CCDC192: variants seen among roughly 807,000 people sequenced by gnomAD.
CCDC192 encodes the protein coiled-coil domain-containing protein 192.
At chr5:127,750,632 G>A (rs1488616069) in intron 2 of CCDC192, among the ~76,000 whole-genome samples, 24 of 144,922 alleles carry the variant, frequency 1.7e-4, no homozygotes, top group Admixed American at 9.7e-4. Context: ...TATTAGGTCC[G>A]CTTGGTGCAG....
At chr5:127,753,146 G>C (rs790839) in intron 2 of CCDC192, among the ~76,000 whole-genome samples, 118,278 of 152,030 alleles carry the variant, frequency 0.78, 46,139 homozygotes, top group East Asian at 0.9. Context: ...GCAGTTCATT[G>C]TTTGTGGGGT....
At chr5:127,792,101 C>G (rs1390101618) in intron 3 of CCDC192, among the ~76,000 whole-genome samples, 1 of 152,146 alleles carries the variant, frequency 6.6e-6, no homozygotes, top group African/African-American at 2.4e-5. Flanking sequence ...TGCTTGAGCT[C>G]AGGAATTTGA....
intron 2 of CCDC192, among the ~76,000 whole-genome samples, chr5:127,717,105 G>A (rs1751667153): frequency 6.6e-6 from 1 of 152,124 alleles, no homozygotes; most frequent in African/African-American, 2.4e-5. Context: ...GTAACTGACA[G>A]CCCTTTAGAG....
intron 5 of CCDC192, among the ~76,000 whole-genome samples, chr5:127,810,614 A>T (rs990087860): frequency 3.3e-5 from 5 of 152,216 alleles, no homozygotes; most frequent in South Asian, 2.1e-4. Flanking sequence ...TTATAAAAAC[A>T]AAAGCGCATC....
intron 6 of CCDC192, among the ~76,000 whole-genome samples, chr5:127,935,874 G>A (rs567796886): frequency 1.2e-3 from 190 of 152,282 alleles, no homozygotes; most frequent in African/African-American, 4.3e-3. Context: ...GGAGGCCGAG[G>A]CAGGTGGATC....
intron 5 of CCDC192, among the ~76,000 whole-genome samples, chr5:127,823,030 C>G (rs1262659223): frequency 6.6e-6 from 1 of 152,210 alleles, no homozygotes; most frequent in Non-Finnish European, 1.5e-5. Context: ...AAAAACACCA[C>G]ATTACTCTCT....
intron 6 of CCDC192, among the ~76,000 whole-genome samples, chr5:127,939,673 C>T (rs546800066): frequency 4.2e-4 from 57 of 136,746 alleles, no homozygotes; most frequent in Non-Finnish European, 6.5e-4. Context: ...TGTTGAGAAA[C>T]GGGTTATTTT....
At chr5:127,719,830 G>GGA (rs34096238) in intron 2 of CCDC192, among the ~76,000 whole-genome samples, 5 of 94,338 alleles carry the variant, frequency 5.3e-5, no homozygotes, top group East Asian at 2.3e-4. Context: ...ATCAGAGGAA[G>GGA]GGGCGGGGGA....
At chr5:127,849,208 G>A (rs945195934) in intron 5 of CCDC192, among the ~76,000 whole-genome samples, 1 of 152,190 alleles carries the variant, frequency 6.6e-6, no homozygotes, top group Non-Finnish European at 1.5e-5. Flanking sequence ...CTCCAGCCTA[G>A]GCGAAAGAGT....
In CCDC192 at chr5:127,757,798, A is replaced by T. The variant is rs147927261; in HGVS notation, c.222+3423A>T. On this transcript the variant is annotated intron_variant, in intron 3 of 6. Coordinates refer to ENST00000514853, the MANE Select transcript of CCDC192 (RefSeq NM_001317938.2). ...CACACACACACACACACACACACAC[A>T]CTCTCTCTCTCTCTCTCTCTCAATC... Among the ~76,000 whole-genome samples the T allele has an allele frequency of 4.2e-3, 494 of 117,346 alleles. 5 individuals are homozygous for T. The highest frequency in any genetic ancestry group is 0.031 in the South Asian group (102 of 3,262). The allele number at this position is 117,346 out of a possible 152,430, so 77.0% of individuals were successfully genotyped here. A position where few individuals can be genotyped will look rare whatever the true frequency, so the allele number is the denominator to read the frequency against.
chr5:127,779,097 T>A (rs549024636), intron 3 of CCDC192, among the ~76,000 whole-genome samples: 2 of 152,184 alleles, frequency 1.3e-5, no homozygotes, highest in South Asian at 2.1e-4. Context: ...TCTGTTTTTT[T>A]ATTCTCTAGC....
chr5:127,781,857 G>C (rs1396704724), intron 3 of CCDC192, among the ~76,000 whole-genome samples: 1 of 152,112 alleles, frequency 6.6e-6, no homozygotes, highest in Non-Finnish European at 1.5e-5. Context: ...GCCCTGGCTA[G>C]GACTTCCAGT....
intron 2 of CCDC192, among the ~76,000 whole-genome samples, chr5:127,737,718 T>G (rs866728052): frequency 0.014 from 2,136 of 151,714 alleles, 48 homozygotes; most frequent in African/African-American, 0.046. Context: ...CTTTGTTGGT[T>G]TAAAGTCTGT....
intron 5 of CCDC192, among the ~76,000 whole-genome samples, chr5:127,848,811 G>A (rs1223437121): frequency 6.6e-6 from 1 of 152,158 alleles, no homozygotes; most frequent in Non-Finnish European, 1.5e-5. Context: ...GGGAGAAAAG[G>A]CAGTATCCAT....
At chr5:127,779,441 GCCCGCCA>G (rs1756059744) in intron 3 of CCDC192, among the ~76,000 whole-genome samples, 1 of 151,910 alleles carries the variant, frequency 6.6e-6, no homozygotes. Flanking sequence ...GACTACAGGT[GCCCGCCA>G]CCACGCCTGG....
intron 2 of CCDC192, among the ~76,000 whole-genome samples, chr5:127,729,605 G>A (rs1752525883): frequency 6.6e-6 from 1 of 152,012 alleles, no homozygotes; most frequent in African/African-American, 2.4e-5. Flanking sequence ...TCTAAAATCA[G>A]TCACATAATT....
intron 2 of CCDC192, among the ~76,000 whole-genome samples, chr5:127,721,491 A>G (rs906805774): frequency 6.6e-6 from 1 of 152,180 alleles, no homozygotes; most frequent in African/African-American, 2.4e-5. Context: ...GGTCACAACC[A>G]TTCAAGAAGT....
At chr5:127,767,123 A>T (rs1755272417) in intron 3 of CCDC192, among the ~76,000 whole-genome samples, 1 of 152,216 alleles carries the variant, frequency 6.6e-6, no homozygotes, top group African/African-American at 2.4e-5. Flanking sequence ...GAGTCACACC[A>T]GCATGGGAAG....
chr5:127,752,744 G>A (rs991934175), intron 2 of CCDC192, among the ~76,000 whole-genome samples: 3 of 152,214 alleles, frequency 2.0e-5, no homozygotes, highest in South Asian at 2.1e-4. Context: ...ATCTCAGACT[G>A]CTGTGCTAGC....
Sources: gnomAD v4.1 joint callset for allele counts (sites outside exome capture counted in the v4.1 genomes callset) on GRCh38, gnomAD v4.1.1 for gene constraint, MANE v1.5 for transcripts, NCBI Gene and HGNC (gene_info 2026-07-23, HGNC 2026-07-21) for gene names.